COX17: variants seen among roughly 807,000 people sequenced by gnomAD.
The protein encoded by COX17 is cytochrome c oxidase copper chaperone COX17.
A neutral mutation model predicts 6.3 loss-of-function variants in COX17; 1 was observed. The ratio of observed to expected loss-of-function variants is 0.16; its 90% CI spans 0.06 to 0.75. The LOEUF (loss-of-function observed/expected upper bound fraction) is 0.75. COX17 is among the 30% of genes least tolerant of loss of function. COX17 has a pLI of 0.77. For missense variants in COX17, 73 were observed against 81.2 expected (o/e 0.90, Z 0.39); for synonymous variants, 26 against 30.5 (o/e 0.85, Z 0.49).
At chr3:119,669,106 T>C (rs1430656497), downstream of COX17, among the ~76,000 whole-genome samples, 3 of 152,208 alleles carry the variant, frequency 2.0e-5, no homozygotes, top group Non-Finnish European at 4.4e-5. Flanking sequence ...AGATTCATAA[T>C]GCCAAACAGT....
intron 1 of COX17, 40 bp downstream of exon 1, chr3:119,677,164 C>A (rs750401989): frequency 1.4e-5 from 22 of 1,537,638 alleles, no homozygotes; most frequent in African/African-American, 5.5e-5. Flanking sequence ...GGCCGCGGCC[C>A]GGGGCTCGTC....
At chr3:119,676,606 G>GT (rs2053102452) in intron 1 of COX17, 1 of 427,554 alleles carries the variant, frequency 2.3e-6, no homozygotes, top group Admixed American at 3.7e-5. Context: ...GGGTTGAAGC[G>GT]TAACTCTTCA....
Position 119,675,232 on chromosome 3 carries a change from T to C in COX17, c.109A>G (p.Ile37Val). Residue 37 changes from isoleucine to valine, a missense_variant and splice_region_variant, in exon 2 of 3, where the codon ATC (isoleucine) becomes GTC (valine). Coordinates refer to ENST00000261070, the MANE Select transcript of COX17 (RefSeq NM_005694.2). Reference protein sequence around the residue: ...PETKKARDACIIEKGEEHCGH... With the variant: ...PETKKARDACVIEKGEEHCGH... ...CAGTGTTCTTCTCCTTTCTCGATGA[T>C]ACTATAAAACAAAATGTACTTGTTA... The C allele has an allele frequency of 2.5e-6, 4 of 1,607,752 alleles. No homozygotes were observed. The highest frequency in any genetic ancestry group is 1.7e-5 in the Admixed American group (1 of 60,020).
At chr3:119,675,263 A>G (rs1302592970) in intron 1 of COX17, 30 bp from the exon 2 acceptor site, 2 of 1,462,052 alleles carry the variant, frequency 1.4e-6, no homozygotes, top group African/African-American at 2.8e-5. Flanking sequence ...TGTTATCTAA[A>G]TATGCATTAA....
At chr3:119,675,039 A>T (rs2053085420) in intron 2 of COX17, 106 bp downstream of exon 2, 1 of 762,540 alleles carries the variant, frequency 1.3e-6, no homozygotes, top group Admixed American at 2.4e-5. Flanking sequence ...TCAAATTGAT[A>T]CTTAAGCATT....
chr3:119,674,065 G>A (rs1033257576), intron 2 of COX17, among the ~76,000 whole-genome samples: 6 of 149,536 alleles, frequency 4.0e-5, no homozygotes, highest in African/African-American at 7.5e-5. Context: ...CTGCTGCCCC[G>A]TCTGGGATGT....
At chr3:119,664,864 C>T (rs2052979004), downstream of COX17, among the ~76,000 whole-genome samples, 1 of 152,160 alleles carries the variant, frequency 6.6e-6, no homozygotes, top group Admixed American at 6.5e-5. Flanking sequence ...GCTGGTTCTT[C>T]ACCACATACA....
At chr3:119,675,003 T>C (rs767685286) in intron 2 of COX17, 142 bp downstream of exon 2, 51 of 623,418 alleles carry the variant, frequency 8.2e-5, no homozygotes, top group South Asian at 1.6e-4. Flanking sequence ...ACTCCCTTCA[T>C]TGGGAACTGA....
chr3:119,677,191 G>A lies in COX17; in HGVS notation c.107+13C>T, dbSNP rs541134728. The A allele has an allele frequency of 1.7e-5, 27 of 1,602,328 alleles. No individual in the cohort carries two copies. The South Asian group carries it at 2.9e-4, about 17-fold the overall frequency. On this transcript the variant is annotated intron_variant, in intron 1 of 2. Coordinates refer to ENST00000261070, the MANE Select transcript of COX17 (RefSeq NM_005694.2). Reference sequence around the variant, plus strand: ...GGGCTCGTCGGCCGCGCCCTCTCCGGCTGCGCACTGACCACGCATCGCGCG... The same window carrying A: ...GGGCTCGTCGGCCGCGCCCTCTCCGACTGCGCACTGACCACGCATCGCGCG...
chr3:119,677,278 C>G lies in COX17; in HGVS notation c.33G>C (p.Pro11=), dbSNP rs577993070. Residue 11 remains proline (P), a synonymous_variant, in exon 1 of 3, where the codon CCG becomes CCC. Coordinates refer to ENST00000261070, the MANE Select transcript of COX17 (RefSeq NM_005694.2). Reference sequence around the variant, plus strand: ...GCGGCTTCTTCTCCTGAGACTCAGGCGGGGCAGGGTTTGAGTCAACCAGAC... The same window carrying G: ...GCGGCTTCTTCTCCTGAGACTCAGGGGGGGCAGGGTTTGAGTCAACCAGAC... The part of the protein sequence containing the change: MPGLVDSNPA[P]PESQEKKPLK... 2.6e-5 allele frequency: 42 copies of G among 1,611,984 alleles called. No homozygotes were observed. In the South Asian group the frequency reaches 4.5e-4, roughly 17 times the overall value.
chr3:119,670,752 T>TTGTGTGTGTGTGTGTGTG (rs10542008), intron 2 of COX17, among the ~76,000 whole-genome samples: 36 of 149,600 alleles, frequency 2.4e-4, no homozygotes, highest in African/African-American at 8.7e-4. Flanking sequence ...ATGATCAGTT[T>TTGTGTGTGTGTGTGTGTG]TGTGTGTGTG....
At chr3:119,673,072 G>C (rs1413527096) in intron 2 of COX17, among the ~76,000 whole-genome samples, 1 of 152,148 alleles carries the variant, frequency 6.6e-6, no homozygotes, top group African/African-American at 2.4e-5. Context: ...ATATGGCTTT[G>C]GCATTCTCTC....
At chr3:119,677,033 GGGC>G (rs1559736244) in intron 1 of COX17, 168 bp downstream of exon 1, 1 of 532,132 alleles carries the variant, frequency 1.9e-6, no homozygotes, top group African/African-American at 2.3e-5. Context: ...CGGGGGGGGG[GGGC>G]AGACAGGGAG....
chr3:119,668,492 C>T (rs1034602429), downstream of COX17, among the ~76,000 whole-genome samples: 39 of 149,788 alleles, frequency 2.6e-4, no homozygotes, highest in African/African-American at 9.3e-4. Flanking sequence ...ACTGTGTATA[C>T]ATCATTTTTA....
chr3:119,677,160 G>C (rs2053113598), intron 1 of COX17, 44 bp downstream of exon 1: 13 of 1,521,166 alleles, frequency 8.5e-6, no homozygotes, highest in Non-Finnish European at 1.1e-5. Context: ...CACAGGCCGC[G>C]GCCCGGGGCT....
At chr3:119,673,145 G>A (rs1349000299) in intron 2 of COX17, among the ~76,000 whole-genome samples, 1 of 152,242 alleles carries the variant, frequency 6.6e-6, no homozygotes, top group African/African-American at 2.4e-5. Flanking sequence ...GCAAAAAGCA[G>A]AGGGAATCGG....
chr3:119,668,350 CAA>C (rs2053012346), downstream of COX17, among the ~76,000 whole-genome samples: 1 of 151,930 alleles, frequency 6.6e-6, no homozygotes. Flanking sequence ...CTTAATTGTC[CAA>C]GATTCTATTC....
chr3:119,664,399 G>T (rs74799930), intron 3 of COX17, among the ~76,000 whole-genome samples: 3,236 of 152,294 alleles, frequency 0.021, 45 homozygotes, highest in Middle Eastern at 0.071. Context: ...CAGGGAAGGT[G>T]ACTTTTAATC....
downstream of COX17, among the ~76,000 whole-genome samples, chr3:119,664,578 C>T (rs906990255): frequency 4.6e-5 from 7 of 152,234 alleles, no homozygotes; most frequent in Admixed American, 3.3e-4. Context: ...AAGAGGCAGG[C>T]GAGGCAGGCG....
Sources: gnomAD v4.1 joint callset for allele counts (sites outside exome capture counted in the v4.1 genomes callset) on GRCh38, gnomAD v4.1.1 for gene constraint, MANE v1.5 for transcripts, NCBI Gene and HGNC (gene_info 2026-07-23, HGNC 2026-07-21) for gene names.